Variants in DPYD observed in about 807,000 individuals in gnomAD.
The protein encoded by DPYD is dihydropyrimidine dehydrogenase [NADP(+)].
Under a neutral mutation model 116.2 loss-of-function variants are expected in DPYD, and 109 were observed. The observed-to-expected ratio is 0.94, with a 90% CI of 0.80 to 1.10. The LOEUF is 1.10. Among genes scored for constraint, DPYD ranks in the 50% least tolerant of loss-of-function variants. The pLI, the probability that DPYD is intolerant of heterozygous loss-of-function variation, is 0.00. For missense variants in DPYD, 1,302 were observed against 1,254.5 expected, an observed-to-expected ratio of 1.04 and a Z score of -0.57; for synonymous variants, 440 against 432.0, an observed-to-expected ratio of 1.02 and a Z score of -0.23.
chr1:97,644,613 GTTTTTGTT>G, intron 8 of DPYD, among the ~76,000 whole-genome samples: 1 of 148,078 alleles, frequency 6.8e-6, no homozygotes, highest in Non-Finnish European at 1.5e-5. Context: ...TTTGTTTTTT[GTTTTTGTT>G]TTTTTTTTTT....
At chr1:97,440,264 CAA>C (rs200527485) in intron 14 of DPYD, among the ~76,000 whole-genome samples, 17 of 115,984 alleles carry the variant, frequency 1.5e-4, no homozygotes, top group South Asian at 2.6e-4. Context: ...AACTCCCTCT[CAA>C]AAAAAAAAAA....
At chr1:97,800,653 T>G (rs925613806) in intron 3 of DPYD, among the ~76,000 whole-genome samples, 1 of 151,904 alleles carries the variant, frequency 6.6e-6, no homozygotes, top group African/African-American at 2.4e-5. Flanking sequence ...AGTTTTCAAG[T>G]GGCACTCCCA....
In DPYD at chr1:97,877,621, A is replaced by G. The variant is rs113536731; in HGVS notation, c.150+5643T>C. Among the ~76,000 whole-genome samples the G allele has an allele frequency of 4.0e-3, 604 of 152,120 alleles. 5 individuals are homozygous for G. Among genetic ancestry groups the G allele is most frequent in the African/African-American group, 0.014 (578 of 41,530 alleles). On this transcript the variant is annotated intron_variant, in intron 2 of 22. Coordinates refer to ENST00000370192, the MANE Select transcript of DPYD (RefSeq NM_000110.4). The stretch of plus-strand genomic sequence containing the variant: ...AAACTCAACTACTGTCTATTTTTGG[A>G]AGAAAATAATTGTCAACAATCAAAA...
At chr1:97,594,723 TATAAG>T (rs1411544973) in intron 9 of DPYD, among the ~76,000 whole-genome samples, 1 of 152,110 alleles carries the variant, frequency 6.6e-6, no homozygotes, top group Non-Finnish European at 1.5e-5. Flanking sequence ...ATACAAATCA[TATAAG>T]ATATGTGACG....
intron 16 of DPYD, among the ~76,000 whole-genome samples, chr1:97,312,496 G>A (rs7524482): frequency 0.64 from 96,228 of 151,442 alleles, 31,010 homozygotes; most frequent in Middle Eastern, 0.78. Context: ...TGCAGTAGTG[G>A]AAAAAAAGAA....
At chr1:97,527,270 G>A (rs1169795267) in intron 12 of DPYD, among the ~76,000 whole-genome samples, 5 of 151,972 alleles carry the variant, frequency 3.3e-5, no homozygotes, top group Admixed American at 1.3e-4. Context: ...GTAGAGACAG[G>A]GTTTCACCAT....
intron 13 of DPYD, among the ~76,000 whole-genome samples, chr1:97,453,709 T>A (rs905403978): frequency 3.9e-5 from 6 of 152,034 alleles, no homozygotes; most frequent in African/African-American, 1.4e-4. Flanking sequence ...TTTAAGAATT[T>A]TTTCTTTGTG....
At chr1:97,720,714 AG>A (rs1439105780) in intron 5 of DPYD, 8 of 1,414,202 alleles carry the variant, frequency 5.7e-6, no homozygotes, top group Non-Finnish European at 6.5e-6. Flanking sequence ...CTAAAAATCT[AG>A]GTTGACGGGC....
At chr1:97,722,275 C>T (rs569225001) in intron 4 of DPYD, among the ~76,000 whole-genome samples, 1 of 151,124 alleles carries the variant, frequency 6.6e-6, no homozygotes, top group Non-Finnish European at 1.5e-5. Context: ...AAAAGTCTGG[C>T]AAATTTTAAC....
chr1:97,670,033 A>G (rs1450170606), intron 8 of DPYD, among the ~76,000 whole-genome samples: 1 of 152,170 alleles, frequency 6.6e-6, no homozygotes, highest in Non-Finnish European at 1.5e-5. Context: ...ACCACTGTGT[A>G]CTGTGCACAT....
intron 2 of DPYD, among the ~76,000 whole-genome samples, chr1:97,876,242 A>T (rs1671912064): frequency 6.6e-6 from 1 of 151,970 alleles, no homozygotes; most frequent in Admixed American, 6.6e-5. Context: ...TGGACATCCA[A>T]ATCCATCTGG....
At chr1:97,441,490 G>A (rs1297144481) in intron 14 of DPYD, among the ~76,000 whole-genome samples, 1 of 152,026 alleles carries the variant, frequency 6.6e-6, no homozygotes, top group Non-Finnish European at 1.5e-5. Context: ...CTAAAGTGCT[G>A]TTCATAGCTT....
intron 16 of DPYD, among the ~76,000 whole-genome samples, chr1:97,348,146 A>G (rs1427708886): frequency 6.6e-6 from 1 of 152,176 alleles, no homozygotes; most frequent in Non-Finnish European, 1.5e-5. Context: ...AACAAACAGA[A>G]GAAAAATTAA....
chr1:97,203,568 T>C (rs894847253), intron 19 of DPYD, among the ~76,000 whole-genome samples: 1 of 148,594 alleles, frequency 6.7e-6, no homozygotes, highest in Non-Finnish European at 1.5e-5. Flanking sequence ...GCATGGCACA[T>C]GTATACATAT....
intron 14 of DPYD, among the ~76,000 whole-genome samples, chr1:97,407,605 C>G (rs1219155548): frequency 6.6e-6 from 1 of 152,114 alleles, no homozygotes; most frequent in African/African-American, 2.4e-5. Flanking sequence ...ATAATGCCAA[C>G]TAGGTGACAA....
At position 97,740,560 on chromosome 1, in the gene DPYD, C is replaced by T. The variant is rs552156826; in HGVS notation, c.234-81G>A. On this transcript the variant is annotated intron_variant, in intron 3 of 22. Transcript: ENST00000370192. ...TTCTACCTTATACTCATTCAGAGTCCGTGTCTAGTAAGTATAAATAAAATC... is the reference window on the plus strand; with the variant it reads ...TTCTACCTTATACTCATTCAGAGTCTGTGTCTAGTAAGTATAAATAAAATC... 3,863 of 1,155,402 alleles carry T rather than the reference C, an allele frequency of 3.3e-3. 53 individuals are homozygous for T. Among genetic ancestry groups the T allele is most frequent in the South Asian group, 0.025 (2,066 of 81,046 alleles). 71.6% of individuals were successfully genotyped at this position (1,155,402 alleles called of 1,614,324 possible).
intron 3 of DPYD, among the ~76,000 whole-genome samples, chr1:97,786,824 A>G (rs558426065): frequency 6.6e-6 from 1 of 152,200 alleles, no homozygotes. Context: ...GCAAAGGGAA[A>G]GCTTGTTAAA....
chr1:97,820,908 TC>T (rs1206879373), intron 3 of DPYD, among the ~76,000 whole-genome samples: 1 of 152,182 alleles, frequency 6.6e-6, no homozygotes, highest in African/African-American at 2.4e-5. Context: ...TGTAAAAAAC[TC>T]CCAATAGTAT....
chr1:97,450,205 A>T lies in DPYD; in HGVS notation c.1759T>A (p.Ser587Thr), dbSNP rs1277115938. The change falls in exon 14 of 23, where the codon TCC becomes ACC. Residue 587 changes from serine to threonine, a missense_variant. Transcript: ENST00000370192. ...SLDKDIVTNV[S>T]PRIIRGTTSG... ...GTGGTTCCCCGGATGATTCTGGGGG[A>T]AACATTTGTCACAATGTCCTGATGA... The T allele has an allele frequency of 6.2e-7, 1 of 1,613,672 alleles. No homozygotes were observed. The highest frequency in any genetic ancestry group is 1.1e-5 in the South Asian group (1 of 91,074).
Sources: gnomAD v4.1 joint callset for allele counts (sites outside exome capture counted in the v4.1 genomes callset) on GRCh38, gnomAD v4.1.1 for gene constraint, MANE v1.5 for transcripts, NCBI Gene and HGNC (gene_info 2026-07-23, HGNC 2026-07-21) for gene names.